The following FRMD5 variants were observed in gnomAD, a reference collection of about 807,000 sequenced individuals.
The protein encoded by FRMD5 is FERM domain-containing protein 5.
In FRMD5, 20 loss-of-function variants were observed where a neutral mutation model predicts 69.0. That is an observed-to-expected ratio of 0.29 (90% CI 0.20 to 0.42). The LOEUF is 0.42. Among genes scored for constraint, FRMD5 ranks in the 10% least tolerant of loss-of-function variants. FRMD5 has a pLI of 1.00. For missense variants in FRMD5, 595 were observed against 708.6 expected (o/e 0.84, Z 1.82); for synonymous variants, 271 against 260.1 (o/e 1.04, Z -0.40).
At chr15:43,922,148 A>C (rs2089504546) in intron 2 of FRMD5, among the ~76,000 whole-genome samples, 1 of 152,202 alleles carries the variant, frequency 6.6e-6, no homozygotes, top group Non-Finnish European at 1.5e-5. Flanking sequence ...CACAACTTTC[A>C]GAGGCTATCA....
At chr15:44,162,263 CT>C (rs11357741) in intron 1 of FRMD5, among the ~76,000 whole-genome samples, 102,004 of 125,024 alleles carry the variant, frequency 0.82, 44,045 homozygotes, top group Non-Finnish European at 0.96. Flanking sequence ...CGTGCCAGGC[CT>C]TTTTTTTTTT....
rs755317411 is a variant in FRMD5, at chr15:43,919,510, C to G, written c.278G>C (p.Arg93Pro). The change falls in exon 4 of 14, where the codon CGT becomes CCT. Residue 93 changes from arginine (R) to proline (P), a missense_variant. Arg to Pro is a moderately radical substitution (Grantham distance 103). Around this residue, in one of 5 missense-constraint regions of FRMD5, gnomAD observed 79 missense variants for 139.9 expected, o/e 0.56. Transcript: ENST00000417257. Reference protein sequence around the residue: ...RSQPPFTMCFRVKFYPADPAA... With the variant: ...RSQPPFTMCFPVKFYPADPAA... ...AGGGTCTGCAGGATAAAACTTCACA[C>G]GGAAGCACATGGTGAATGGAGGCTG... 2 of 1,613,862 alleles carry G rather than the reference C, an allele frequency of 1.2e-6. No homozygotes were observed. Among genetic ancestry groups the G allele is most frequent in the African/African-American group, 1.3e-5 (1 of 74,902 alleles).
At position 43,991,323 on chromosome 15, in the gene FRMD5, A is replaced by G. The variant is rs149747681; in HGVS notation, c.103-67014T>C. On this transcript the variant is annotated intron_variant, in intron 1 of 13. Transcript: ENST00000417257. ...AACTCTGATGGGAAAGGAAAGCTGC[A>G]GAACAATCCTTTTTTCTGTGAGGCT... Among the ~76,000 whole-genome samples the G allele has an allele frequency of 2.5e-3, 375 of 152,340 alleles. 3 individuals carry two copies. Among genetic ancestry groups the G allele is most frequent in the African/African-American group, 8.6e-3 (358 of 41,576 alleles).
At chr15:44,076,697 G>A (rs1277786302) in intron 1 of FRMD5, among the ~76,000 whole-genome samples, 14 of 149,742 alleles carry the variant, frequency 9.3e-5, no homozygotes, top group African/African-American at 3.2e-4. Flanking sequence ...TGGGTGCAGT[G>A]CACCAGCATG....
At chr15:44,002,878 T>C (rs1890274492) in intron 1 of FRMD5, among the ~76,000 whole-genome samples, 2 of 152,180 alleles carry the variant, frequency 1.3e-5, no homozygotes, top group African/African-American at 4.8e-5. Context: ...CCCTTAATTC[T>C]AGTCTCCCCC....
Position 44,072,994 on chromosome 15 carries a change from C to T in FRMD5, c.102+121959G>A, listed in dbSNP as rs76327092. ...TTAAAAAATGTTTTTAATAGTTGGG[C>T]ATGGTGGCACACACTGGAAGTTCCT... On this transcript the variant is annotated intron_variant, in intron 1 of 13. Coordinates refer to ENST00000417257, the MANE Select transcript of FRMD5 (RefSeq NM_032892.5). 1.7e-3 allele frequency among the ~76,000 whole-genome samples: 257 copies of T among 152,136 alleles called. 1 individual carries two copies. Among genetic ancestry groups the T allele is most frequent in the South Asian group, 0.012 (59 of 4,818 alleles).
intron 1 of FRMD5, among the ~76,000 whole-genome samples, chr15:44,100,220 A>ATTT (rs779826479): frequency 6.4e-5 from 9 of 140,924 alleles, no homozygotes; most frequent in African/African-American, 2.1e-4. Context: ...CACCCGGCTA[A>ATTT]ATTTTTTTTT....
intron 1 of FRMD5, among the ~76,000 whole-genome samples, chr15:44,182,361 G>A (rs866660959): frequency 6.1e-4 from 65 of 105,824 alleles, no homozygotes; most frequent in Middle Eastern, 0.01. Context: ...ACGGAGTCTC[G>A]CTCTGTCACC....
chr15:44,084,248 C>T (rs1011930278), intron 1 of FRMD5, among the ~76,000 whole-genome samples: 1 of 151,814 alleles, frequency 6.6e-6, no homozygotes, highest in Non-Finnish European at 1.5e-5. Context: ...TTATACATAC[C>T]CCCTGTTTTG....
At chr15:43,922,778 C>T (rs902099305) in intron 2 of FRMD5, among the ~76,000 whole-genome samples, 1 of 151,342 alleles carries the variant, frequency 6.6e-6, no homozygotes, top group Non-Finnish European at 1.5e-5. Context: ...TCGAGTGATT[C>T]TCATGTCTCA....
At chr15:44,015,653 T>C (rs952262151) in intron 1 of FRMD5, among the ~76,000 whole-genome samples, 6 of 152,126 alleles carry the variant, frequency 3.9e-5, no homozygotes, top group Admixed American at 1.3e-4. Context: ...AGTACAGAAA[T>C]TGCAATAATT....
At chr15:44,063,991 GC>G in intron 1 of FRMD5, 1 of 229,170 alleles carries the variant, frequency 4.4e-6, no homozygotes, top group African/African-American at 2.3e-5. Flanking sequence ...AGTTCCCCTG[GC>G]CAAGGTCATC....
At chr15:44,089,793 T>A (rs1280190960) in intron 1 of FRMD5, among the ~76,000 whole-genome samples, 1 of 151,946 alleles carries the variant, frequency 6.6e-6, no homozygotes, top group African/African-American at 2.4e-5. Flanking sequence ...AACTGGGACA[T>A]AAAAAACAGA....
At chr15:44,003,919 A>T (rs1890323473) in intron 1 of FRMD5, among the ~76,000 whole-genome samples, 1 of 152,122 alleles carries the variant, frequency 6.6e-6, no homozygotes, top group African/African-American at 2.4e-5. Context: ...TCTTTTGTTC[A>T]CTGAAGAAGA....
chr15:43,918,629 T>C (rs2089439231), intron 4 of FRMD5, among the ~76,000 whole-genome samples: 1 of 152,280 alleles, frequency 6.6e-6, no homozygotes, highest in East Asian at 1.9e-4. Flanking sequence ...TCCTATCTCT[T>C]CCTCAGCTCT....
chr15:44,040,830 G>A (rs577330833), intron 1 of FRMD5, among the ~76,000 whole-genome samples: 4 of 151,798 alleles, frequency 2.6e-5, no homozygotes, highest in Non-Finnish European at 4.4e-5. Flanking sequence ...AACCTTAAAT[G>A]TAAATGGGCT....
At chr15:44,050,806 C>T (rs1892630402) in intron 1 of FRMD5, among the ~76,000 whole-genome samples, 1 of 151,590 alleles carries the variant, frequency 6.6e-6, no homozygotes, top group Admixed American at 6.6e-5. Flanking sequence ...TACAGGTGCG[C>T]ACCACCACAC....
intron 1 of FRMD5, among the ~76,000 whole-genome samples, chr15:43,994,917 A>G (rs140967672): frequency 5.6e-4 from 85 of 152,330 alleles, no homozygotes; most frequent in African/African-American, 1.9e-3. Flanking sequence ...AGCCGTTTTC[A>G]TAAGACAAGT....
intron 1 of FRMD5, among the ~76,000 whole-genome samples, chr15:44,157,685 T>C (rs1375583102): frequency 6.6e-6 from 1 of 152,194 alleles, no homozygotes; most frequent in Non-Finnish European, 1.5e-5. Flanking sequence ...ATGTACAATC[T>C]GATTTCACTT....
Sources: allele counts gnomAD v4.1 joint callset (sites outside exome capture counted in the v4.1 genomes callset), GRCh38; gene constraint gnomAD v4.1.1; regional missense constraint gnomAD v4.1.1; transcripts MANE v1.5; gene names NCBI Gene and HGNC (gene_info 2026-07-23, HGNC 2026-07-21).